Variants in MAP3K21 observed in about 807,000 individuals in gnomAD.
The protein encoded by MAP3K21 is mitogen-activated protein kinase kinase kinase 21, also known as mitogen-activated protein kinase kinase kinase MLK4.
MAP3K21 carries 63 observed loss-of-function variants against 86.1 expected under a neutral mutation model. That is an observed-to-expected ratio of 0.73 (90% CI 0.60 to 0.90). The LOEUF (loss-of-function observed/expected upper bound fraction) is 0.90, where lower values mean the gene tolerates loss of function less well. Among genes scored for constraint, MAP3K21 ranks in the 40% least tolerant of loss-of-function variants. MAP3K21 has a pLI of 0.00. For synonymous variants in MAP3K21, 558 were observed against 564.8 expected (o/e 0.99, Z 0.17); for missense variants, 1,220 against 1,367.7 (o/e 0.89, Z 1.70).
chr1:233,334,228 C>T (rs1662871538), intron 1 of MAP3K21, among the ~76,000 whole-genome samples: 2 of 150,334 alleles, frequency 1.3e-5, no homozygotes, highest in African/African-American at 4.9e-5. Context: ...TCTCAAACTC[C>T]TGGAGTCAAG....
chr1:233,359,822 T>C (rs10752755), intron 4 of MAP3K21, among the ~76,000 whole-genome samples: 100,522 of 152,190 alleles, frequency 0.66, 33,821 homozygotes, highest in East Asian at 0.99. Flanking sequence ...TTCATACTTT[T>C]GAAGTATTCA....
At chr1:233,352,455 G>C (rs1488621202) in intron 2 of MAP3K21, among the ~76,000 whole-genome samples, 1 of 143,950 alleles carries the variant, frequency 6.9e-6, no homozygotes, top group Non-Finnish European at 1.5e-5. Context: ...TTTTTTTTTT[G>C]AGTCTTGCTC....
At chr1:233,339,374 C>T (rs140823769) in intron 1 of MAP3K21, among the ~76,000 whole-genome samples, 20,039 of 43,748 alleles carry the variant, frequency 0.46, 3,142 homozygotes, top group East Asian at 0.62. Context: ...TCCTCCTTCT[C>T]CTTCTTCTCC....
intron 1 of MAP3K21, among the ~76,000 whole-genome samples, chr1:233,343,101 A>G (rs1259294295): frequency 6.6e-6 from 1 of 152,118 alleles, no homozygotes; most frequent in Non-Finnish European, 1.5e-5. Flanking sequence ...GTTTCCTCCA[A>G]TTGGGTTCCC....
At chr1:233,344,590 T>A (rs985060685) in intron 1 of MAP3K21, among the ~76,000 whole-genome samples, 73 of 152,296 alleles carry the variant, frequency 4.8e-4, no homozygotes, top group African/African-American at 1.6e-3. Context: ...TCAAGATGGA[T>A]TAAAGACTTA....
At chr1:233,381,545 CCTTTA>C (rs1029816200) in intron 9 of MAP3K21, among the ~76,000 whole-genome samples, 11 of 152,024 alleles carry the variant, frequency 7.2e-5, no homozygotes, top group African/African-American at 2.4e-4. Flanking sequence ...TTTATCTTTT[CCTTTA>C]CTTCTTTTTA....
At chr1:233,349,886 G>A (rs1471057530) in intron 2 of MAP3K21, among the ~76,000 whole-genome samples, 1 of 151,584 alleles carries the variant, frequency 6.6e-6, no homozygotes, top group African/African-American at 2.4e-5. Context: ...GCAGGGAGCC[G>A]AGATCATGTC....
At chr1:233,329,543 A>T (rs1443165811) in intron 1 of MAP3K21, among the ~76,000 whole-genome samples, 1 of 151,784 alleles carries the variant, frequency 6.6e-6, no homozygotes, top group East Asian at 1.9e-4. Flanking sequence ...AATCCCAGCT[A>T]CTCGGGAGGC....
intron 2 of MAP3K21, 94 bp downstream of exon 2, chr1:233,346,716 G>A (rs979425081): frequency 2.8e-6 from 3 of 1,057,820 alleles, no homozygotes; most frequent in East Asian, 2.6e-5. Flanking sequence ...AGCATAAATA[G>A]TCGAGGCCTT....
chr1:233,354,616 G>T (rs1007144496), intron 3 of MAP3K21, among the ~76,000 whole-genome samples: 5 of 152,076 alleles, frequency 3.3e-5, no homozygotes, highest in African/African-American at 1.2e-4. Context: ...TTCTCTAATG[G>T]TCATTATTAT....
rs1663788039 is a variant in MAP3K21 at position 233,375,972 on chromosome 1, G to T, written c.1732G>T (p.Glu578Ter). 1 of 1,607,678 alleles carries T rather than the reference G, an allele frequency of 6.2e-7. No individual in the cohort carries two copies. Among genetic ancestry groups the T allele is most frequent in the Non-Finnish European group, 8.5e-7 (1 of 1,178,248 alleles). Residue 578 changes from glutamate (E) to a stop codon, truncating the protein, a stop_gained, in exon 7 of 10, where the codon GAA becomes TAA. Coordinates refer to ENST00000366624, the MANE Select transcript of MAP3K21 (RefSeq NM_032435.3). LOFTEE classifies it high-confidence loss of function. The stretch of plus-strand genomic sequence containing the variant: ...AAGGAACACAGTCTTTCGACAAGAA[G>T]AATTTGAGGATGTAAAAAGGAATTT... ...WGRNTVFRQE[E>*]FEDVKRNFKK...
At position 233,382,644 on chromosome 1, in the gene MAP3K21, T is replaced by C. The variant is rs917902539; in HGVS notation, c.3044T>C (p.Leu1015Pro). 1 of 1,614,200 alleles carries C rather than the reference T, an allele frequency of 6.2e-7. No individual in the cohort carries two copies. Among genetic ancestry groups the C allele is most frequent in the Non-Finnish European group, 8.5e-7 (1 of 1,180,022 alleles). The change falls in exon 10 of 10, where the codon CTG becomes CCG. Residue 1015 changes from leucine to proline, a missense_variant. By Grantham distance (98) the Leu-to-Pro change is moderately conservative (BLOSUM62 -3). Around this residue, in one of 5 missense-constraint regions of MAP3K21, gnomAD observed 632 missense variants for 691.3 expected, o/e 0.91. Transcript: ENST00000366624. ...EGQSRDYTVP[L>P]CRMRSKTSRP... ...CAGAGCAGGGACTACACTGTGCCAC[T>C]GTGCAGAATGAGGAGCAAAACCAGC... is the stretch of plus-strand genomic sequence containing the variant.
At position 233,328,124 on chromosome 1, in the gene MAP3K21, G is replaced by A. The variant is rs746156612; in HGVS notation, c.96G>A (p.Ser32=). ...GGSASSSSTS[S]GGSASAGAGL... ...CAGCGTCCTCGTCGTCCACCTCCTCGGGCGGCTCGGCCTCGGCGGGCGCGG... is the reference window on the plus strand; with the variant it reads ...CAGCGTCCTCGTCGTCCACCTCCTCAGGCGGCTCGGCCTCGGCGGGCGCGG... Residue 32 remains serine (S), a synonymous_variant, in exon 1 of 10, where the codon TCG becomes TCA. Transcript: ENST00000366624. This position sits in a 1 kb window ranked among gnomAD's most constrained non-coding sequence, Gnocchi z 8.7. The A allele has an allele frequency of 1.4e-6, 2 of 1,409,936 alleles. No homozygotes were observed. Among genetic ancestry groups the A allele is most frequent in the African/African-American group, 1.5e-5 (1 of 66,808 alleles). The allele number at this position is 1,409,936 out of a possible 1,614,324, so 87.3% of individuals were successfully genotyped here.
chr1:233,380,364 C>T (rs2102769473), intron 9 of MAP3K21, among the ~76,000 whole-genome samples: 2 of 152,304 alleles, frequency 1.3e-5, no homozygotes, highest in East Asian at 3.9e-4. Flanking sequence ...CATCTGTGTC[C>T]TAATCTCTTT....
At chr1:233,354,790 A>G (rs12406625) in intron 3 of MAP3K21, 46 bp from the exon 4 acceptor site, 40 of 1,471,840 alleles carry the variant, frequency 2.7e-5, no homozygotes, top group Admixed American at 3.6e-5. Context: ...TAGCAACTCT[A>G]AACTGCGTTG....
chr1:233,356,525 T>A (rs1663359735), intron 4 of MAP3K21, among the ~76,000 whole-genome samples: 1 of 152,208 alleles, frequency 6.6e-6, no homozygotes, highest in African/African-American at 2.4e-5. Flanking sequence ...TATATACATA[T>A]TATGATTCCT....
chr1:233,376,581 G>C (rs1663803024), intron 8 of MAP3K21, 54 bp downstream of exon 8: 2 of 1,281,360 alleles, frequency 1.6e-6, no homozygotes, highest in African/African-American at 1.5e-5. Context: ...GCATCTGATT[G>C]TGCTGAAGCT....
chr1:233,368,391 G>A (rs971779777), intron 5 of MAP3K21, among the ~76,000 whole-genome samples: 2 of 152,048 alleles, frequency 1.3e-5, no homozygotes, highest in Non-Finnish European at 2.9e-5. Flanking sequence ...AGTGACTCAC[G>A]CCTGTCATCC....
chr1:233,371,786 T>C (rs1252625137), intron 5 of MAP3K21, among the ~76,000 whole-genome samples: 1 of 147,880 alleles, frequency 6.8e-6, no homozygotes, highest in Non-Finnish European at 1.5e-5. Flanking sequence ...TGTGTGTGTA[T>C]GTGTGTGACT....
Sources: gnomAD v4.1 joint callset for allele counts (sites outside exome capture counted in the v4.1 genomes callset) on GRCh38, gnomAD v4.1.1 for gene constraint, gnomAD v4.1.1 regional missense constraint, Gnocchi (gnomAD v3.1) non-coding constraint, MANE v1.5 for transcripts, NCBI Gene and HGNC (gene_info 2026-07-23, HGNC 2026-07-21) for gene names.